ARHGEF11: variants seen among roughly 807,000 people sequenced by gnomAD.
ARHGEF11 encodes Rho guanine exchange factor (GEF) 11.
ARHGEF11 carries 55 observed loss-of-function variants against 193.7 expected under a neutral mutation model. The observed-to-expected ratio is 0.28, with a 90% CI of 0.23 to 0.36. The LOEUF (loss-of-function observed/expected upper bound fraction) is 0.36. Ranked by LOEUF, ARHGEF11 falls within the 10% of genes least tolerant of loss-of-function variation. The probability of loss-of-function intolerance (pLI) is 1.00; values close to 1 mark genes in which losing one functional copy is unlikely to be tolerated. For synonymous variants in ARHGEF11, 693 were observed against 768.0 expected, an observed-to-expected ratio of 0.90 and a Z score of 1.62; for missense variants, 1,723 against 2,005.6, an observed-to-expected ratio of 0.86 and a Z score of 2.69.
At chr1:156,936,494 A>AT (rs1557807007) in intron 40 of ARHGEF11, among the ~76,000 whole-genome samples, 2,423 of 89,150 alleles carry the variant, frequency 0.027, 10 homozygotes, top group Non-Finnish European at 0.036. Flanking sequence ...AAAAAAAAAA[A>AT]AAAATATATA....
Position 156,952,229 on chromosome 1 carries a change from G to A in ARHGEF11, c.1799-530C>T, listed in dbSNP as rs534248731. On this transcript the variant is annotated intron_variant, in intron 21 of 40. Coordinates refer to ENST00000368194, the MANE Select transcript of ARHGEF11 (RefSeq NM_198236.3). The stretch of plus-strand genomic sequence containing the variant: ...CTACAGAATCAGACTCTTTAGTACC[G>A]TAAGAGGTGACCTAGGAGGAACAGA... Among the ~76,000 whole-genome samples, 186 of 152,066 alleles carry A rather than the reference G, an allele frequency of 1.2e-3. 1 individual carries two copies. The highest frequency in any genetic ancestry group is 4.4e-3 in the African/African-American group (181 of 41,452).
intron 13 of ARHGEF11, among the ~76,000 whole-genome samples, 167 bp downstream of exon 13, chr1:156,963,036 T>C (rs564581654): frequency 1.3e-5 from 2 of 151,976 alleles, no homozygotes; most frequent in African/African-American, 4.8e-5. Context: ...CAGTGAAAAA[T>C]CCCCTCTCCA....
intron 37 of ARHGEF11, 176 bp downstream of exon 37, chr1:156,939,372 T>A: frequency 2.4e-6 from 2 of 822,704 alleles, no homozygotes; most frequent in Non-Finnish European, 3.8e-6. Flanking sequence ...GAATCTCGAA[T>A]GTCCAACTCC....
chr1:157,007,989 T>C lies in ARHGEF11; in HGVS notation c.33-21816A>G, dbSNP rs60955709. Reference sequence around the variant, plus strand: ...AAACAGTTCAGTTCCTGGAACACCGTAGATGCTCCAAAAATGCTTATTAAA... The same window carrying C: ...AAACAGTTCAGTTCCTGGAACACCGCAGATGCTCCAAAAATGCTTATTAAA... On this transcript the variant is annotated intron_variant, in intron 1 of 40. Coordinates refer to ENST00000368194, the MANE Select transcript of ARHGEF11 (RefSeq NM_198236.3). Among the ~76,000 whole-genome samples, 498 of 148,166 alleles carry C rather than the reference T, an allele frequency of 3.4e-3. 5 individuals are homozygous for C. The highest frequency in any genetic ancestry group is 0.012 in the African/African-American group (466 of 40,204).
At chr1:156,956,364 C>G in intron 19 of ARHGEF11, 56 bp downstream of exon 19, 1 of 1,590,062 alleles carries the variant, frequency 6.3e-7, no homozygotes. Context: ...AATCACCCGC[C>G]TTGGCATTCC....
chr1:157,000,618 A>G (rs1667096302), intron 1 of ARHGEF11, among the ~76,000 whole-genome samples: 1 of 152,214 alleles, frequency 6.6e-6, no homozygotes, highest in African/African-American at 2.4e-5. Context: ...GTTCATACCA[A>G]CATCGATAGG....
At position 156,945,164 on chromosome 1, in the gene ARHGEF11, G is replaced by A. The variant is rs754779301; in HGVS notation, c.2846C>T (p.Ala949Val). 1.2e-6 allele frequency: 2 copies of A among 1,614,078 alleles called. No individual in the cohort carries two copies. The highest frequency in any genetic ancestry group is 1.3e-5 in the African/African-American group (1 of 75,052). The change falls in exon 30 of 41, where the codon GCC becomes GTC. Residue 949 changes from alanine to valine, a missense_variant. Ala to Val is a moderately conservative substitution (Grantham distance 64). Around this residue, in one of 5 missense-constraint regions of ARHGEF11, gnomAD observed 491 missense variants for 654.5 expected, o/e 0.75. Coordinates refer to ENST00000368194, the MANE Select transcript of ARHGEF11 (RefSeq NM_198236.3). ...GAGAATCTCCCGGCACTGGTCCCGG[G>A]CCCGGCACAGCTTCTCATGCTCAGA... is the stretch of plus-strand genomic sequence containing the variant. ...GTSEHEKLCR[A>V]RDQCREILKY...
intron 1 of ARHGEF11, among the ~76,000 whole-genome samples, chr1:157,036,535 T>A (rs1672071693): frequency 6.6e-6 from 1 of 151,962 alleles, no homozygotes; most frequent in African/African-American, 2.4e-5. Context: ...TTGGCCAGGC[T>A]GGTCTCAAAC....
At chr1:156,950,042 T>C (rs1049994389) in intron 22 of ARHGEF11, among the ~76,000 whole-genome samples, 1 of 152,212 alleles carries the variant, frequency 6.6e-6, no homozygotes, top group African/African-American at 2.4e-5. Flanking sequence ...ACTTTGTAAA[T>C]GGTCTCAAAT....
intron 39 of ARHGEF11, 52 bp from the exon 40 acceptor site, chr1:156,937,057 C>T (rs1655556893): frequency 1.3e-6 from 2 of 1,593,008 alleles, no homozygotes; most frequent in Non-Finnish European, 1.7e-6. Context: ...TTCCTAAGGC[C>T]CCTGGGGAAG....
At chr1:156,957,049 C>G (rs965492725) in intron 18 of ARHGEF11, among the ~76,000 whole-genome samples, 1 of 152,068 alleles carries the variant, frequency 6.6e-6, no homozygotes, top group Admixed American at 6.5e-5. Context: ...ATCCTCCCAC[C>G]CCAGTACAGA....
At position 156,947,333 on chromosome 1, in the gene ARHGEF11, G is replaced by T; in HGVS notation, c.2459C>A (p.Pro820Gln). The T allele has an allele frequency of 6.2e-7, 1 of 1,612,206 alleles. No individual in the cohort carries two copies. Among genetic ancestry groups the T allele is most frequent in the Non-Finnish European group, 8.5e-7 (1 of 1,179,386 alleles). ...AATCTCTATGAGTTCAGGCAGGTTC[G>T]GGAAGAGCCGGGCCAGCTCCTCCCG... The part of the protein sequence containing the change: ...MPREELARLF[P>Q]NLPELIEIHN... The change falls in exon 26 of 41, where the codon CCG becomes CAG. Residue 820 changes from proline to glutamine, a missense_variant. Pro to Gln is a moderately conservative substitution (Grantham distance 76). Coordinates refer to ENST00000368194, the MANE Select transcript of ARHGEF11 (RefSeq NM_198236.3).
intron 1 of ARHGEF11, among the ~76,000 whole-genome samples, chr1:157,005,612 T>A (rs2102722330): frequency 6.6e-6 from 1 of 152,334 alleles, no homozygotes; most frequent in African/African-American, 2.4e-5. Flanking sequence ...TTAAAACGCA[T>A]TAATCCCATG....
At chr1:157,033,350 T>C (rs747370506) in intron 1 of ARHGEF11, among the ~76,000 whole-genome samples, 1 of 151,962 alleles carries the variant, frequency 6.6e-6, no homozygotes, top group Non-Finnish European at 1.5e-5. Flanking sequence ...CATACCCCCA[T>C]ATAATCAACT....
At chr1:157,022,561 T>C (rs1418277541) in intron 1 of ARHGEF11, among the ~76,000 whole-genome samples, 1 of 152,178 alleles carries the variant, frequency 6.6e-6, no homozygotes, top group African/African-American at 2.4e-5. Flanking sequence ...GTTTATGGGT[T>C]GGAAGGTTTA....
rs781527398 is a variant in ARHGEF11, at chr1:156,960,385, A to G, written c.1282+33T>C. 2.5e-6 allele frequency: 4 copies of G among 1,612,612 alleles called. No individual in the cohort carries two copies. In the Admixed American group the frequency reaches 6.7e-5, roughly 27 times the overall value. On this transcript the variant is annotated intron_variant, in intron 15 of 40. Coordinates refer to ENST00000368194, the MANE Select transcript of ARHGEF11 (RefSeq NM_198236.3). Reference sequence around the variant, plus strand: ...AGAGCTCAGGACAAGAAAGCTACCAAGAAGAGACTTACCGACCAATGAGCC... The same window carrying G: ...AGAGCTCAGGACAAGAAAGCTACCAGGAAGAGACTTACCGACCAATGAGCC...
rs202040943 is a variant in ARHGEF11 at position 156,948,257 on chromosome 1, C to T, written c.2106-29G>A. On this transcript the variant is annotated intron_variant, in intron 23 of 40. Transcript: ENST00000368194. The surrounding 1 kb of genome is among the most constrained non-coding windows in gnomAD (Gnocchi z 4.2). Reference sequence around the variant, plus strand: ...TGGAGGGAATGTCAACTCTCAGCAACCCTCTATCCTTGCCGCCACCCCTGA... The same window carrying T: ...TGGAGGGAATGTCAACTCTCAGCAATCCTCTATCCTTGCCGCCACCCCTGA... 2.4e-5 allele frequency: 39 copies of T among 1,599,156 alleles called. No individual in the cohort carries two copies. In the East Asian group the frequency reaches 8.5e-4, roughly 35 times the overall value.
chr1:157,041,784 C>T (rs1221726414), intron 1 of ARHGEF11, among the ~76,000 whole-genome samples: 1 of 152,178 alleles, frequency 6.6e-6, no homozygotes, highest in African/African-American at 2.4e-5. Context: ...TTGTGAGGGG[C>T]TTACAGTCTG....
intron 7 of ARHGEF11, among the ~76,000 whole-genome samples, chr1:156,975,372 C>T (rs558844887): frequency 2.7e-4 from 41 of 152,176 alleles, no homozygotes; most frequent in Non-Finnish European, 5.0e-4. Context: ...ACTGTCTATT[C>T]AAATCCTTTG....
Sources: allele counts gnomAD v4.1 joint callset (sites outside exome capture counted in the v4.1 genomes callset), GRCh38; gene constraint gnomAD v4.1.1; regional missense constraint gnomAD v4.1.1; non-coding constraint Gnocchi (gnomAD v3.1); transcripts MANE v1.5; gene names NCBI Gene and HGNC (gene_info 2026-07-23, HGNC 2026-07-21).